KCTD16: variants seen among roughly 807,000 people sequenced by gnomAD.
The protein encoded by KCTD16 is BTB/POZ domain-containing protein KCTD16.
Under a neutral mutation model 33.2 loss-of-function variants are expected in KCTD16, and 13 were observed. The observed-to-expected ratio is 0.39, with a 90% CI of 0.25 to 0.62. The LOEUF (loss-of-function observed/expected upper bound fraction) is 0.62, where lower values mean the gene tolerates loss of function less well. Ranked by LOEUF, KCTD16 falls within the 20% of genes least tolerant of loss-of-function variation. The pLI, the probability that KCTD16 is intolerant of heterozygous loss-of-function variation, is 0.50. For missense variants in KCTD16, 441 were observed against 525.1 expected, an observed-to-expected ratio of 0.84 and a Z score of 1.57; for synonymous variants, 197 against 195.3, an observed-to-expected ratio of 1.01 and a Z score of -0.07.
chr5:144,207,351 A>G lies in KCTD16; in HGVS notation c.637A>G (p.Arg213Gly). ...CTTTGGAGAAACTTTGAATGAAAGC[A>G]GAGACCCTGATCGAGCCCCAGAAAG... ...EVFGETLNES[R>G]DPDRAPERYT... Residue 213 changes from arginine to glycine, a missense_variant, in exon 3 of 4, where the codon AGA becomes GGA. Coordinates refer to ENST00000512467, the MANE Select transcript of KCTD16 (RefSeq NM_020768.4). 2 of 1,614,228 alleles carry G rather than the reference A, an allele frequency of 1.2e-6. No individual in the cohort carries two copies. Among genetic ancestry groups the G allele is most frequent in the Non-Finnish European group, 1.7e-6 (2 of 1,180,044 alleles).
chr5:144,202,923 T>C (rs1011789809), intron 2 of KCTD16, among the ~76,000 whole-genome samples: 1 of 152,196 alleles, frequency 6.6e-6, no homozygotes, highest in Admixed American at 6.5e-5. Context: ...AGTTTCATAG[T>C]CAAAATTTGA....
At chr5:144,274,699 G>C (rs1343343263) in intron 3 of KCTD16, among the ~76,000 whole-genome samples, 1 of 152,126 alleles carries the variant, frequency 6.6e-6, no homozygotes, top group African/African-American at 2.4e-5. Context: ...GCAGGATAAA[G>C]AGAATTGTAC....
chr5:144,330,574 G>A (rs1191646806), intron 3 of KCTD16, among the ~76,000 whole-genome samples: 3 of 151,834 alleles, frequency 2.0e-5, no homozygotes, highest in African/African-American at 4.8e-5. Flanking sequence ...ATACAAATGA[G>A]TAACATTTAA....
At chr5:144,189,358 T>TGGTGGC (rs1470454872) in intron 2 of KCTD16, among the ~76,000 whole-genome samples, 1 of 151,880 alleles carries the variant, frequency 6.6e-6, no homozygotes, top group African/African-American at 2.4e-5. Context: ...TAGCCGGGTG[T>TGGTGGC]GGTGGCGGGC....
chr5:144,447,558 T>G (rs1753848279), intron 3 of KCTD16, among the ~76,000 whole-genome samples: 1 of 150,570 alleles, frequency 6.6e-6, no homozygotes, highest in African/African-American at 2.4e-5. Flanking sequence ...AAGTATAATT[T>G]AAAAAAAGAA....
chr5:144,473,975 A>C lies in KCTD16; in HGVS notation c.1148A>C (p.Lys383Thr). 1 of 1,614,114 alleles carries C rather than the reference A, an allele frequency of 6.2e-7. No individual in the cohort carries two copies. Among genetic ancestry groups the C allele is most frequent in the Non-Finnish European group, 8.5e-7 (1 of 1,179,996 alleles). ...SRESNMSSKK[K>T]AVKEKLSIEE... ...GAATCGAACATGAGCAGCAAAAAAA[A>C]AGCTGTTAAAGAAAAGCTCTCAATT... The change falls in exon 4 of 4, where the codon AAA becomes ACA. Residue 383 changes from lysine to threonine, a missense_variant. By Grantham distance (78) the Lys-to-Thr change is moderately conservative (BLOSUM62 -1). This residue lies in a region of KCTD16 where 355 missense variants were observed against 413.0 expected (regional missense o/e 0.86). Coordinates refer to ENST00000512467, the MANE Select transcript of KCTD16 (RefSeq NM_020768.4).
chr5:144,418,246 A>C (rs951147558), intron 3 of KCTD16, among the ~76,000 whole-genome samples: 2 of 152,162 alleles, frequency 1.3e-5, no homozygotes, highest in African/African-American at 4.8e-5. Flanking sequence ...GCAAAAGAAC[A>C]AGGCTTCCAC....
chr5:144,343,446 A>G (rs577373457), intron 3 of KCTD16, among the ~76,000 whole-genome samples: 2 of 151,906 alleles, frequency 1.3e-5, no homozygotes, highest in East Asian at 3.9e-4. Context: ...ATTTTCTCTT[A>G]TGTCTATTTG....
intron 3 of KCTD16, among the ~76,000 whole-genome samples, chr5:144,407,522 C>CT (rs1561596627): frequency 1.3e-5 from 2 of 151,720 alleles, no homozygotes; most frequent in Admixed American, 6.6e-5. Flanking sequence ...TTCTTGTTTT[C>CT]TTTTTTTAAT....
At chr5:144,406,930 A>G (rs73303986) in intron 3 of KCTD16, among the ~76,000 whole-genome samples, 108 of 152,262 alleles carry the variant, frequency 7.1e-4, no homozygotes, top group African/African-American at 2.3e-3. Flanking sequence ...GATCAAAATT[A>G]TCTTATTCCT....
intron 3 of KCTD16, among the ~76,000 whole-genome samples, chr5:144,244,072 GT>G (rs1450476831): frequency 6.6e-6 from 1 of 152,092 alleles, no homozygotes; most frequent in Non-Finnish European, 1.5e-5. Flanking sequence ...TTTATGGCAT[GT>G]AACTCTTTGG....
chr5:144,417,224 C>T (rs1332230894), intron 3 of KCTD16, among the ~76,000 whole-genome samples: 10 of 152,258 alleles, frequency 6.6e-5, no homozygotes, highest in Non-Finnish European at 1.0e-4. Context: ...ATTTCTATTT[C>T]TCATCACCAA....
intron 3 of KCTD16, among the ~76,000 whole-genome samples, chr5:144,251,176 T>G (rs1008625994): frequency 6.6e-6 from 1 of 152,122 alleles, no homozygotes; most frequent in African/African-American, 2.4e-5. Context: ...GCTTGAAGAA[T>G]TAAACTTTTT....
intron 2 of KCTD16, among the ~76,000 whole-genome samples, chr5:144,204,328 G>A (rs1346374177): frequency 2.0e-5 from 3 of 152,142 alleles, no homozygotes; most frequent in East Asian, 3.9e-4. Context: ...ATTCTTATCA[G>A]GGATGTGAGC....
chr5:144,221,989 G>A (rs1753771625), intron 3 of KCTD16, among the ~76,000 whole-genome samples: 1 of 152,126 alleles, frequency 6.6e-6, no homozygotes, highest in Non-Finnish European at 1.5e-5. Context: ...TCTCATTGTG[G>A]TTTTGATTTG....
chr5:144,314,254 T>G (rs142991645), intron 3 of KCTD16, among the ~76,000 whole-genome samples: 1 of 152,280 alleles, frequency 6.6e-6, no homozygotes, highest in East Asian at 1.9e-4. Flanking sequence ...ACATTGTTCT[T>G]TTTTTAATTT....
Position 144,349,298 on chromosome 5 carries a change from C to T in KCTD16, c.833-124362C>T, listed in dbSNP as rs957608486. On this transcript the variant is annotated intron_variant, in intron 3 of 3. Transcript: ENST00000512467. ...CCTGGATTTGAAGTCTGACTCTACC[C>T]CTTTGCCAGCTACATGACCCTGGGC... 3.3e-5 allele frequency among the ~76,000 whole-genome samples: 5 copies of T among 152,248 alleles called. No individual in the cohort carries two copies. The East Asian group carries it at 7.7e-4, about 24-fold the overall frequency.
At chr5:144,180,993 C>T (rs1423438738) in intron 2 of KCTD16, among the ~76,000 whole-genome samples, 1 of 150,846 alleles carries the variant, frequency 6.6e-6, no homozygotes, top group Non-Finnish European at 1.5e-5. Flanking sequence ...AGTGCAGTGG[C>T]GCGATCTCGG....
intron 3 of KCTD16, among the ~76,000 whole-genome samples, chr5:144,456,275 G>T (rs1754060791): frequency 6.6e-6 from 1 of 151,860 alleles, no homozygotes; most frequent in Non-Finnish European, 1.5e-5. Context: ...GTGTACTGTT[G>T]TTTTTACCTT....
Sources: gnomAD v4.1 joint callset for allele counts (sites outside exome capture counted in the v4.1 genomes callset) on GRCh38, gnomAD v4.1.1 for gene constraint, gnomAD v4.1.1 regional missense constraint, MANE v1.5 for transcripts, NCBI Gene and HGNC (gene_info 2026-07-23, HGNC 2026-07-21) for gene names.